Variants in LAPTM4A observed in about 807,000 individuals in gnomAD.
LAPTM4A encodes the protein lysosomal-associated transmembrane protein 4A.
Under a neutral mutation model 29.9 loss-of-function variants are expected in LAPTM4A, and 19 were observed. The observed-to-expected ratio is 0.64, with a 90% CI of 0.44 to 0.93. LAPTM4A has a LOEUF of 0.93. Among genes scored for constraint, LAPTM4A ranks in the 40% least tolerant of loss-of-function variants. The pLI is 0.00. For synonymous variants in LAPTM4A, 105 were observed against 102.1 expected (o/e 1.03, Z -0.17); for missense variants, 293 against 288.5 (o/e 1.02, Z -0.11).
chr2:20,035,431 T>G (rs544464713), intron 4 of LAPTM4A, among the ~76,000 whole-genome samples: 1 of 152,340 alleles, frequency 6.6e-6, no homozygotes, highest in South Asian at 2.1e-4. Flanking sequence ...CTCAGTTCTG[T>G]GTAAGTTCTA....
chr2:20,040,911 T>C lies in LAPTM4A; in HGVS notation c.212A>G (p.Tyr71Cys), dbSNP rs1026837635. ...CATACCAGCCATTCTCTCAGACGAA[T>C]AGTAATTACCGATGACTTCATACTG... Reference protein sequence around the residue: ...NIQYEVIGNYYSSERMADNAC... With the variant: ...NIQYEVIGNYCSSERMADNAC... Residue 71 changes from tyrosine (Y) to cysteine (C), a missense_variant, in exon 2 of 7, where the codon TAT (tyrosine) becomes TGT (cysteine). Transcript: ENST00000175091. 9 of 1,613,708 alleles carry C rather than the reference T, an allele frequency of 5.6e-6. No individual in the cohort carries two copies. The highest frequency in any genetic ancestry group is 1.3e-5 in the African/African-American group (1 of 74,938).
At chr2:20,048,655 C>A (rs1673990824) in intron 1 of LAPTM4A, among the ~76,000 whole-genome samples, 1 of 152,176 alleles carries the variant, frequency 6.6e-6, no homozygotes, top group Non-Finnish European at 1.5e-5. Context: ...AGAAGTCTGT[C>A]CCACGTAATG....
intron 2 of LAPTM4A, among the ~76,000 whole-genome samples, chr2:20,039,986 C>T (rs1673760153): frequency 6.6e-6 from 1 of 152,062 alleles, no homozygotes; most frequent in Non-Finnish European, 1.5e-5. Flanking sequence ...GCAGAGGTTG[C>T]CCTGAGCCGA....
At chr2:20,050,787 G>C (rs767947298) in intron 1 of LAPTM4A, among the ~76,000 whole-genome samples, 5 of 152,302 alleles carry the variant, frequency 3.3e-5, no homozygotes, top group Non-Finnish European at 5.9e-5. Flanking sequence ...ACTGCGCAGG[G>C]AGGAGGCTGC....
At chr2:20,036,906 CCACACCATT>C (rs1328948563) in intron 4 of LAPTM4A, among the ~76,000 whole-genome samples, 6 of 152,188 alleles carry the variant, frequency 3.9e-5, no homozygotes. Context: ...ATCTTTATAT[CCACACCATT>C]CACCAACAGT....
At chr2:20,039,770 C>T (rs185357378) in intron 2 of LAPTM4A, among the ~76,000 whole-genome samples, 12 of 150,958 alleles carry the variant, frequency 7.9e-5, no homozygotes, top group African/African-American at 1.7e-4. Flanking sequence ...AAATGAAGGG[C>T]GCTGGCTGGG....
At chr2:20,038,031 A>C (rs1473810298) in intron 2 of LAPTM4A, among the ~76,000 whole-genome samples, 23 of 152,202 alleles carry the variant, frequency 1.5e-4, no homozygotes, top group Admixed American at 1.5e-3. Flanking sequence ...ATATGAAGAA[A>C]TGACACAAGA....
At chr2:20,049,658 T>C (rs534425086) in intron 1 of LAPTM4A, among the ~76,000 whole-genome samples, 1 of 152,328 alleles carries the variant, frequency 6.6e-6, no homozygotes, top group East Asian at 1.9e-4. Flanking sequence ...ATTCGGATGG[T>C]TGAAATAGAA....
intron 2 of LAPTM4A, among the ~76,000 whole-genome samples, chr2:20,040,304 T>A (rs1673766761): frequency 6.6e-6 from 1 of 152,210 alleles, no homozygotes; most frequent in African/African-American, 2.4e-5. Context: ...AACTTAATAG[T>A]CCATTACATT....
In LAPTM4A at chr2:20,051,587, A is replaced by C; in HGVS notation, c.-67T>G. 2 of 1,045,622 alleles carry C rather than the reference A, an allele frequency of 1.9e-6. No homozygotes were observed. The highest frequency in any genetic ancestry group is 2.8e-6 in the Non-Finnish European group (2 of 703,544). 64.8% of individuals were successfully genotyped at this position (1,045,622 alleles called of 1,614,324 possible). A position where few individuals can be genotyped will look rare whatever the true frequency, so the allele number is the denominator to read the frequency against. On this transcript the variant is annotated 5_prime_UTR_variant, in exon 1 of 7. Coordinates refer to ENST00000175091, the MANE Select transcript of LAPTM4A (RefSeq NM_014713.5). ...CGTTCTCCACCCGCAGCCAAACTCA[A>C]ACGGCTGTTTCACGGCCTCCAAAAC...
intron 2 of LAPTM4A, among the ~76,000 whole-genome samples, chr2:20,040,550 T>G (rs1406507278): frequency 6.6e-6 from 1 of 152,244 alleles, no homozygotes; most frequent in Non-Finnish European, 1.5e-5. Flanking sequence ...AACAATGGAC[T>G]GCATATATCA....
chr2:20,033,566 C>T (rs989927153), intron 6 of LAPTM4A, among the ~76,000 whole-genome samples: 1 of 152,180 alleles, frequency 6.6e-6, no homozygotes, highest in African/African-American at 2.4e-5. Flanking sequence ...GCTCTGCCCT[C>T]ATTCCAGTGT....
chr2:20,051,380 G>T, intron 1 of LAPTM4A, 30 bp downstream of exon 1: 1 of 1,145,826 alleles, frequency 8.7e-7, no homozygotes, highest in South Asian at 1.2e-5. Flanking sequence ...CAGGCCCCCC[G>T]GACATACGCG....
chr2:20,035,032 C>T lies in LAPTM4A; in HGVS notation c.463G>A (p.Ala155Thr). 1 of 1,612,760 alleles carries T rather than the reference C, an allele frequency of 6.2e-7. No individual in the cohort carries two copies. Among genetic ancestry groups the T allele is most frequent in the Non-Finnish European group, 8.5e-7 (1 of 1,179,098 alleles). ...AACAGGAGGCAGCTGGAGTCCAAGG[C>T]CAGGAGGTCATCTTTGTAGGGAAAA... ...PDFPYKDDLL[A>T]LDSSCLLFIV... Residue 155 changes from alanine (A) to threonine (T), a missense_variant, in exon 5 of 7, where the codon GCC becomes ACC. Coordinates refer to ENST00000175091, the MANE Select transcript of LAPTM4A (RefSeq NM_014713.5).
In LAPTM4A at chr2:20,034,966, C is replaced by T; in HGVS notation, c.528+1G>A. The T allele has an allele frequency of 6.2e-7, 1 of 1,606,982 alleles. No individual in the cohort carries two copies. Among genetic ancestry groups the T allele is most frequent in the Non-Finnish European group, 8.5e-7 (1 of 1,175,076 alleles). ...CCCTAAAGATTTAGTCAGCAACGTA[C>T]CTTAAAAATGATGAATAAGGCAAAG... On this transcript the variant is annotated splice_donor_variant, in intron 5 of 6. Transcript: ENST00000175091. LOFTEE classifies it high-confidence loss of function.
At chr2:20,035,209 T>C in intron 4 of LAPTM4A, 147 bp from the exon 5 acceptor site, 1 of 629,224 alleles carries the variant, frequency 1.6e-6, no homozygotes, top group Non-Finnish European at 2.9e-6. Flanking sequence ...TTCAAAGTGC[T>C]TTTAAATTTT....
At chr2:20,050,603 A>G (rs7602766) in intron 1 of LAPTM4A, among the ~76,000 whole-genome samples, 9,377 of 152,222 alleles carry the variant, frequency 0.062, 635 homozygotes, top group African/African-American at 0.17. Context: ...ATTACAAAAG[A>G]AAAAATCACA....
At chr2:20,036,950 G>C (rs560676264) in intron 4 of LAPTM4A, among the ~76,000 whole-genome samples, 9 of 152,326 alleles carry the variant, frequency 5.9e-5, no homozygotes, top group African/African-American at 2.2e-4. Flanking sequence ...TAAAAACATA[G>C]TAGGCACTGG....
At chr2:20,045,297 T>C (rs983650797) in intron 1 of LAPTM4A, among the ~76,000 whole-genome samples, 5 of 152,116 alleles carry the variant, frequency 3.3e-5, no homozygotes, top group Non-Finnish European at 7.3e-5. Flanking sequence ...TTAATAAAAA[T>C]GTAATTTAAA....
Sources: gnomAD v4.1 joint callset for allele counts (sites outside exome capture counted in the v4.1 genomes callset) on GRCh38, gnomAD v4.1.1 for gene constraint, MANE v1.5 for transcripts, NCBI Gene and HGNC (gene_info 2026-07-23, HGNC 2026-07-21) for gene names.